UBE2J2: variants seen among roughly 807,000 people sequenced by gnomAD.
UBE2J2 encodes the protein ubiquitin conjugating enzyme E2 J2.
A neutral mutation model predicts 28.6 loss-of-function variants in UBE2J2; 5 were observed. The ratio of observed to expected loss-of-function variants is 0.17; its 90% confidence interval spans 0.09 to 0.37. UBE2J2 has a LOEUF of 0.37. UBE2J2 is among the 10% of genes least tolerant of loss of function. UBE2J2 has a pLI of 1.00. For synonymous variants in UBE2J2, 138 were observed against 139.7 expected, an observed-to-expected ratio of 0.99 and a Z score of 0.09; for missense variants, 226 against 338.9, an observed-to-expected ratio of 0.67 and a Z score of 2.62.
intron 2 of UBE2J2, chr1:1,266,217 C>T: frequency 1.6e-6 from 2 of 1,249,070 alleles, no homozygotes; most frequent in Non-Finnish European, 2.1e-6. Flanking sequence ...TGGGCCTCCT[C>T]TGTGAGCCAG....
intron 2 of UBE2J2, chr1:1,267,603 C>A (rs552513945): frequency 3.5e-5 from 32 of 912,748 alleles, no homozygotes; most frequent in East Asian, 1.9e-4. Flanking sequence ...CCCCGCCCCC[C>A]TCAAGGGCCC....
At chr1:1,263,561 T>C (rs1018416628) in intron 2 of UBE2J2, 175 bp from the exon 3 acceptor site, 4 of 611,698 alleles carry the variant, frequency 6.5e-6, no homozygotes, top group Non-Finnish European at 1.2e-5. Context: ...CCGTCTCTTC[T>C]ACCGTGGGTG....
At chr1:1,270,614 C>G (rs1393304172) in intron 1 of UBE2J2, among the ~76,000 whole-genome samples, 2 of 152,148 alleles carry the variant, frequency 1.3e-5, no homozygotes, top group Non-Finnish European at 2.9e-5. Context: ...CCATCAACAC[C>G]ACAGGAGCCT....
Position 1,267,850 on chromosome 1 carries a change from G to A in UBE2J2, c.131+12C>T, listed in dbSNP as rs775436469. 55 of 1,613,412 alleles carry A rather than the reference G, an allele frequency of 3.4e-5. No homozygotes were observed. The East Asian group carries it at 6.2e-4, about 18-fold the overall frequency. On this transcript the variant is annotated intron_variant, in intron 2 of 6. Transcript: ENST00000349431. ...CAGTCAGCGCAGGGCGATCAGTGGC[G>A]CGGAGCCTTACCACTCGAGAATATT...
chr1:1,255,972 T>C (rs935023649), intron 6 of UBE2J2, 73 bp downstream of exon 6: 37 of 1,125,242 alleles, frequency 3.3e-5, no homozygotes, highest in African/African-American at 1.8e-4. Flanking sequence ...ACACAGATTT[T>C]ACTCTTTGGA....
intron 3 of UBE2J2, among the ~76,000 whole-genome samples, chr1:1,259,012 G>A (rs1299104607): frequency 3.3e-5 from 5 of 151,700 alleles, no homozygotes; most frequent in Admixed American, 6.6e-5. Flanking sequence ...CCATCAGGAC[G>A]CGTGTGTGCG....
intron 1 of UBE2J2, chr1:1,273,232 C>T (rs888233486): frequency 5.9e-5 from 9 of 152,216 alleles, no homozygotes; most frequent in Non-Finnish European, 1.5e-5. Context: ...TTCCCAGAAA[C>T]GCTGGCCCTA....
intron 3 of UBE2J2, chr1:1,262,075 T>C (rs1002238434): frequency 2.4e-5 from 7 of 292,580 alleles, no homozygotes; most frequent in Non-Finnish European, 2.7e-5. Context: ...CAGGCTGGTC[T>C]CGAACTCCTG....
At chr1:1,256,919 G>A in intron 5 of UBE2J2, 73 bp downstream of exon 5, 2 of 1,030,080 alleles carry the variant, frequency 1.9e-6, no homozygotes, top group Non-Finnish European at 2.6e-6. Flanking sequence ...AAAGGCAGCT[G>A]CAACTCAGGA....
chr1:1,273,803 G>GCGCCGC lies in UBE2J2; in HGVS notation c.-144_-139dup, dbSNP rs3831194. The GCGCCGC allele has an allele frequency of 1.5e-3, 231 of 153,480 alleles. 1 individual carries two copies. The highest frequency in any genetic ancestry group is 5.1e-3 in the African/African-American group (211 of 41,418). The allele number at this position is 153,480 out of a possible 1,614,324, so 9.5% of individuals were successfully genotyped here. A position where few individuals can be genotyped will look rare whatever the true frequency, so the allele number is the denominator to read the frequency against. ...GATTGGGCCCACCGAACCCGCCGCA[G>GCGCCGC]CGCCGCCGCCGCCGCCTCAGCCTCC... On this transcript the variant is annotated 5_prime_UTR_variant, in exon 1 of 7. Coordinates refer to ENST00000349431, the MANE Select transcript of UBE2J2 (RefSeq NM_058167.3).
intron 2 of UBE2J2, among the ~76,000 whole-genome samples, chr1:1,264,391 C>G (rs1467844067): frequency 6.6e-6 from 1 of 152,204 alleles, no homozygotes; most frequent in East Asian, 1.9e-4. Context: ...TGCCAGAAAC[C>G]AGACATGGCT....
At position 1,256,335 on chromosome 1, in the gene UBE2J2, TAA is replaced by T. The variant is rs1482593337; in HGVS notation, c.415-212_415-211del. The T allele has an allele frequency of 1.2e-5, 6 of 492,678 alleles. No homozygotes were observed. The East Asian group carries it at 1.9e-4, about 15-fold the overall frequency. 30.5% of individuals were successfully genotyped at this position (492,678 alleles called of 1,614,324 possible). Reference sequence around the variant, plus strand: ...TCATGATATCACACTTGATTCCTATTAAAGACAGGGAAAAACAAGCCACCAAA... The same window carrying T: ...TCATGATATCACACTTGATTCCTATTAGACAGGGAAAAACAAGCCACCAAA... On this transcript the variant is annotated intron_variant, in intron 5 of 6. Coordinates refer to ENST00000349431, the MANE Select transcript of UBE2J2 (RefSeq NM_058167.3).
chr1:1,266,669 A>T (rs572162504), intron 2 of UBE2J2, among the ~76,000 whole-genome samples: 1 of 150,798 alleles, frequency 6.6e-6, no homozygotes, highest in African/African-American at 2.4e-5. Flanking sequence ...AAAATACAAA[A>T]ACAAAAAATT....
In UBE2J2 at chr1:1,268,144, C is replaced by G; in HGVS notation, c.1-152G>C. ...GCTCACAGGTCACCCTCGCTTGCCA[C>G]CCGCCCAGACACCCAGAGGCCCTGC... On this transcript the variant is annotated intron_variant, in intron 1 of 6. Coordinates refer to ENST00000349431, the MANE Select transcript of UBE2J2 (RefSeq NM_058167.3). The surrounding 1 kb of genome is among the most constrained non-coding windows in gnomAD (Gnocchi z 4.7). 1 of 1,001,330 alleles carries G rather than the reference C, an allele frequency of 1.0e-6. No homozygotes were observed. The highest frequency in any genetic ancestry group is 1.5e-6 in the Non-Finnish European group (1 of 677,708). The allele number at this position is 1,001,330 out of a possible 1,614,324, so 62.0% of individuals were successfully genotyped here.
chr1:1,266,545 G>C (rs1260433186), intron 2 of UBE2J2, among the ~76,000 whole-genome samples: 1 of 152,022 alleles, frequency 6.6e-6, no homozygotes, highest in African/African-American at 2.4e-5. Context: ...AATAAGGCCG[G>C]GCGTGGTGGC....
intron 2 of UBE2J2, 134 bp downstream of exon 2, chr1:1,267,728 C>T (rs1034504062): frequency 2.6e-6 from 4 of 1,517,794 alleles, no homozygotes; most frequent in African/African-American, 2.8e-5. Context: ...GGGCACCCCA[C>T]TCACCCCGGG....
chr1:1,257,705 G>A (rs1639287479), intron 3 of UBE2J2, among the ~76,000 whole-genome samples: 1 of 151,858 alleles, frequency 6.6e-6, no homozygotes, highest in African/African-American at 2.4e-5. Flanking sequence ...CCCCAGCACA[G>A]CAGGAGCTCC....
chr1:1,265,794 C>T (rs192465036), intron 2 of UBE2J2, among the ~76,000 whole-genome samples: 4 of 152,140 alleles, frequency 2.6e-5, no homozygotes, highest in East Asian at 3.9e-4. Flanking sequence ...GCCACCATAC[C>T]GGGCTAATTT....
At chr1:1,257,345 C>A in intron 3 of UBE2J2, 35 bp from the exon 4 acceptor site, 1 of 1,424,752 alleles carries the variant, frequency 7.0e-7, no homozygotes, top group Non-Finnish European at 9.8e-7. Context: ...GCCTTGTCGT[C>A]CGCCACAGCA....
Sources: allele counts gnomAD v4.1 joint callset (sites outside exome capture counted in the v4.1 genomes callset), GRCh38; gene constraint gnomAD v4.1.1; non-coding constraint Gnocchi (gnomAD v3.1); transcripts MANE v1.5; gene names NCBI Gene and HGNC (gene_info 2026-07-23, HGNC 2026-07-21).